The following NAA11 variants were observed in gnomAD, a reference collection of about 807,000 sequenced individuals.
The protein encoded by NAA11 is N-alpha-acetyltransferase 11, NatA catalytic subunit, also known as N-alpha-acetyltransferase 11.
In NAA11, 15 loss-of-function variants were observed where a neutral mutation model predicts 16.1. The observed-to-expected ratio is 0.93, with a 90% CI of 0.62 to 1.44. NAA11 has a LOEUF of 1.44. Ranked by LOEUF, NAA11 falls within the 40% of genes most tolerant of loss-of-function variation. The pLI, the probability that NAA11 is intolerant of heterozygous loss-of-function variation, is 0.00. For synonymous variants in NAA11, 122 were observed against 112.4 expected (o/e 1.09, Z -0.54); for missense variants, 298 against 291.3 (o/e 1.02, Z -0.17).
the NAA11 span, among the ~76,000 whole-genome samples, chr4:79,207,706 C>T: frequency 1.3e-5 from 2 of 152,076 alleles, no homozygotes; most frequent in Non-Finnish European, 2.9e-5. Flanking sequence ...AGTTACACTT[C>T]AAAGGGTTAT....
chr4:79,280,753 C>G (rs1248064037), intron 2 of NAA11, among the ~76,000 whole-genome samples: 1 of 151,956 alleles, frequency 6.6e-6, no homozygotes, highest in African/African-American at 2.4e-5. Flanking sequence ...GGCTCTAACA[C>G]ATGATTTTAA....
At chr4:79,208,582 A>G in the NAA11 span, among the ~76,000 whole-genome samples, 1 of 152,144 alleles carries the variant, frequency 6.6e-6, no homozygotes, top group Non-Finnish European at 1.5e-5. Flanking sequence ...CTGTGCATCT[A>G]TAAAAGGAGA....
intron 2 of NAA11, among the ~76,000 whole-genome samples, chr4:79,272,717 G>C (rs1722525077): frequency 6.6e-6 from 1 of 151,984 alleles, no homozygotes; most frequent in African/African-American, 2.4e-5. Context: ...AAAGTAAGGT[G>C]GGGGCTATGT....
chr4:79,214,049 T>G, the NAA11 span, among the ~76,000 whole-genome samples: 547 of 152,264 alleles, frequency 3.6e-3, 6 homozygotes, highest in African/African-American at 0.012. Context: ...TTAACCATAG[T>G]GGGATTATTT....
chr4:79,283,387 T>C (rs1396375107), intron 2 of NAA11, among the ~76,000 whole-genome samples: 1 of 151,958 alleles, frequency 6.6e-6, no homozygotes, highest in African/African-American at 2.4e-5. Context: ...TTTAGAAGGC[T>C]GGAAAGTGGT....
At chr4:79,255,868 TG>T (rs1009981650) in intron 2 of NAA11, among the ~76,000 whole-genome samples, 1 of 152,238 alleles carries the variant, frequency 6.6e-6, no homozygotes, top group African/African-American at 2.4e-5. Flanking sequence ...TTTAATGGCA[TG>T]CAGATTAAAA....
chr4:79,222,600 T>C (rs544819146), downstream of NAA11, among the ~76,000 whole-genome samples: 183 of 147,232 alleles, frequency 1.2e-3, 3 homozygotes, highest in Middle Eastern at 0.017. Flanking sequence ...ACTTCATGTC[T>C]AAAACACCAA....
chr4:79,247,348 A>G (rs1251235317), intron 2 of NAA11, among the ~76,000 whole-genome samples: 1 of 152,096 alleles, frequency 6.6e-6, no homozygotes, highest in Non-Finnish European at 1.5e-5. Context: ...ATTTCTGAGA[A>G]TTTCATATCT....
chr4:79,193,854 A>G, the NAA11 span, among the ~76,000 whole-genome samples: 2 of 152,198 alleles, frequency 1.3e-5, no homozygotes, highest in African/African-American at 2.4e-5. Context: ...CTTCCTACCC[A>G]TGAACATGGA....
chr4:79,297,788 G>T (rs891439996), intron 1 of NAA11, among the ~76,000 whole-genome samples: 4 of 152,198 alleles, frequency 2.6e-5, no homozygotes, highest in East Asian at 1.9e-4. Flanking sequence ...TGGGTGCCAT[G>T]GACAGCAGCA....
the NAA11 span, among the ~76,000 whole-genome samples, chr4:79,190,349 A>T: frequency 6.6e-6 from 1 of 152,228 alleles, no homozygotes; most frequent in Non-Finnish European, 1.5e-5. Flanking sequence ...ATCATTTTTT[A>T]AAAAGTTTGT....
the NAA11 span, among the ~76,000 whole-genome samples, chr4:79,164,891 G>T: frequency 6.6e-6 from 1 of 152,196 alleles, no homozygotes; most frequent in Non-Finnish European, 1.5e-5. Flanking sequence ...GACTGTGGGA[G>T]GCTGGTGTTA....
At chr4:79,310,486 A>T (rs1723738945) in intron 1 of NAA11, among the ~76,000 whole-genome samples, 1 of 152,256 alleles carries the variant, frequency 6.6e-6, no homozygotes, top group Non-Finnish European at 1.5e-5. Flanking sequence ...ACAAGAAGGT[A>T]CTGGAAGAAA....
intron 2 of NAA11, among the ~76,000 whole-genome samples, chr4:79,234,876 C>A (rs1172775191): frequency 6.6e-6 from 1 of 152,020 alleles, no homozygotes; most frequent in Non-Finnish European, 1.5e-5. Flanking sequence ...TGACTGAATT[C>A]TAGTAAGGCT....
the NAA11 span, among the ~76,000 whole-genome samples, chr4:79,178,862 G>T: frequency 6.6e-6 from 1 of 152,146 alleles, no homozygotes; most frequent in South Asian, 2.1e-4. Flanking sequence ...GCTGTGCAAA[G>T]AATGAAAGAA....
chr4:79,214,975 G>A, the NAA11 span, among the ~76,000 whole-genome samples: 5 of 152,176 alleles, frequency 3.3e-5, no homozygotes, highest in African/African-American at 4.8e-5. Context: ...ATGTCTGTTC[G>A]TTATAAATTG....
At chr4:79,227,934 G>T (rs1423762731) in intron 2 of NAA11, 1 of 151,926 alleles carries the variant, frequency 6.6e-6, no homozygotes, top group Non-Finnish European at 1.5e-5. Flanking sequence ...GTAAATTTAT[G>T]CTGGTTTTAG....
At chr4:79,312,577 G>A (rs2110011696), downstream of NAA11, among the ~76,000 whole-genome samples, 1 of 151,128 alleles carries the variant, frequency 6.6e-6, no homozygotes, top group Non-Finnish European at 1.5e-5. Flanking sequence ...CCTGGGAGGT[G>A]GAGGTTGCAG....
intron 2 of NAA11, among the ~76,000 whole-genome samples, chr4:79,232,436 C>T (rs1236847115): frequency 6.6e-6 from 1 of 151,902 alleles, no homozygotes; most frequent in Non-Finnish European, 1.5e-5. Context: ...AAGTTTCTTT[C>T]CTATGTTAAT....
Sources: gnomAD v4.1 joint callset for allele counts (sites outside exome capture counted in the v4.1 genomes callset) on GRCh38, gnomAD v4.1.1 for gene constraint, MANE v1.5 for transcripts, NCBI Gene and HGNC (gene_info 2026-07-23, HGNC 2026-07-21) for gene names.